UMAD1: variants seen among roughly 807,000 people sequenced by gnomAD.
UMAD1 encodes the protein UBAP1-MVB12-associated (UMA)-domain containing protein 1.
Under a neutral mutation model 6.1 loss-of-function variants are expected in UMAD1, and 8 were observed. The observed-to-expected ratio is 1.30, with a 90% CI of 0.76 to 2.35. The LOEUF (loss-of-function observed/expected upper bound fraction) is 2.35. Ranked by LOEUF, UMAD1 falls within the 30% of genes most tolerant of loss-of-function variation. The pLI is 0.00. For missense variants in UMAD1, 130 were observed against 78.4 expected (o/e 1.66, Z -2.49); for synonymous variants, 56 against 31.4 (o/e 1.78, Z -2.61).
At chr7:7,842,710 A>G (rs1783706261) in intron 3 of UMAD1, among the ~76,000 whole-genome samples, 2 of 152,068 alleles carry the variant, frequency 1.3e-5, no homozygotes, top group Admixed American at 1.3e-4. Flanking sequence ...CCCTTACTCA[A>G]TATGTATTCT....
At chr7:7,710,837 A>G (rs1377789726) in intron 2 of UMAD1, among the ~76,000 whole-genome samples, 1 of 152,202 alleles carries the variant, frequency 6.6e-6, no homozygotes, top group Non-Finnish European at 1.5e-5. Flanking sequence ...TATCTATATC[A>G]TGGAATAATA....
intron 1 of UMAD1, among the ~76,000 whole-genome samples, chr7:7,667,067 G>A (rs28992771): frequency 0.059 from 8,914 of 152,182 alleles, 338 homozygotes; most frequent in Middle Eastern, 0.13. Context: ...CCTTGGCCCC[G>A]CAAAGTGCTG....
rs190109494 is a variant in UMAD1, at chr7:7,665,782, A to T, written c.-63-7527A>T. On this transcript the variant is annotated intron_variant, in intron 1 of 3. Transcript: ENST00000682710. Reference sequence around the variant, plus strand: ...TTGAGAAGCTTATATAAATGGAATCATATAGTATGAACTTTTATATTGTCT... The same window carrying T: ...TTGAGAAGCTTATATAAATGGAATCTTATAGTATGAACTTTTATATTGTCT... 3.1e-3 allele frequency among the ~76,000 whole-genome samples: 461 copies of T among 150,544 alleles called. 3 individuals carry two copies. The highest frequency in any genetic ancestry group is 0.025 in the South Asian group (119 of 4,760).
chr7:7,773,942 G>A (rs1352689240), intron 2 of UMAD1, among the ~76,000 whole-genome samples: 2 of 152,154 alleles, frequency 1.3e-5, no homozygotes, highest in African/African-American at 4.8e-5. Context: ...AACCCTGGCT[G>A]CTGTTTCTCT....
At position 7,804,835 on chromosome 7, in the gene UMAD1, G is replaced by C. The variant is rs1269610888; in HGVS notation, c.156+3092G>C. 2.6e-5 allele frequency among the ~76,000 whole-genome samples: 4 copies of C among 151,838 alleles called. No individual in the cohort carries two copies. The East Asian group carries it at 7.7e-4, about 29-fold the overall frequency. On this transcript the variant is annotated intron_variant, in intron 3 of 3. Transcript: ENST00000682710. The stretch of plus-strand genomic sequence containing the variant: ...TCTCTACTAAAAATACAAAAAATTA[G>C]CTGGGCACGGTGGCCTGCGCCTGTA...
At chr7:7,719,998 G>A (rs1044004593) in intron 2 of UMAD1, among the ~76,000 whole-genome samples, 1 of 152,130 alleles carries the variant, frequency 6.6e-6, no homozygotes, top group African/African-American at 2.4e-5. Flanking sequence ...TTTTTGAAGG[G>A]AATAAAGTTT....
At chr7:7,691,598 A>AT (rs1030243794) in intron 2 of UMAD1, among the ~76,000 whole-genome samples, 3 of 152,294 alleles carry the variant, frequency 2.0e-5, no homozygotes, top group African/African-American at 7.2e-5. Context: ...ATTTCAGATC[A>AT]TTTTGCTGGG....
At chr7:7,703,594 T>G (rs961763534) in intron 2 of UMAD1, among the ~76,000 whole-genome samples, 1 of 152,138 alleles carries the variant, frequency 6.6e-6, no homozygotes, top group African/African-American at 2.4e-5. Context: ...ACAACACAGG[T>G]GCTAACAACA....
At chr7:7,797,996 CT>C (rs1353300859) in intron 2 of UMAD1, among the ~76,000 whole-genome samples, 3 of 152,158 alleles carry the variant, frequency 2.0e-5, no homozygotes, top group African/African-American at 7.2e-5. Flanking sequence ...CATCATTCAA[CT>C]TTTTATCCCG....
intron 3 of UMAD1, among the ~76,000 whole-genome samples, chr7:7,815,404 G>C (rs534509371): frequency 3.5e-4 from 53 of 152,222 alleles, no homozygotes; most frequent in African/African-American, 1.1e-3. Context: ...TGCCAGAGTA[G>C]AGTAGAATTG....
At chr7:7,702,533 G>C (rs78251653) in intron 2 of UMAD1, among the ~76,000 whole-genome samples, 5,927 of 152,136 alleles carry the variant, frequency 0.039, 410 homozygotes, top group African/African-American at 0.14. Context: ...ACTTGAAATA[G>C]CTATTTTCAT....
At chr7:7,797,397 C>T (rs1782707417) in intron 2 of UMAD1, among the ~76,000 whole-genome samples, 2 of 152,196 alleles carry the variant, frequency 1.3e-5, no homozygotes. Flanking sequence ...TTACCACATG[C>T]ATGAACAATG....
intron 2 of UMAD1, among the ~76,000 whole-genome samples, chr7:7,760,860 C>G (rs1237843136): frequency 6.6e-6 from 1 of 152,108 alleles, no homozygotes; most frequent in Admixed American, 6.5e-5. Context: ...AAAAGTTTTA[C>G]TAGCAAAACA....
chr7:7,764,099 A>G (rs1370584887), intron 2 of UMAD1, among the ~76,000 whole-genome samples: 1 of 152,226 alleles, frequency 6.6e-6, no homozygotes, highest in Non-Finnish European at 1.5e-5. Context: ...AATGCTTAGT[A>G]GTAGTGAAAG....
intron 1 of UMAD1, among the ~76,000 whole-genome samples, chr7:7,646,407 C>G (rs953160444): frequency 6.6e-6 from 1 of 151,470 alleles, no homozygotes. Context: ...CAGTTTCCCC[C>G]ATACTGTTCT....
At chr7:7,660,726 C>G (rs915285490) in intron 1 of UMAD1, among the ~76,000 whole-genome samples, 3 of 152,164 alleles carry the variant, frequency 2.0e-5, no homozygotes, top group African/African-American at 7.2e-5. Flanking sequence ...CTCTGGCTGC[C>G]CTTAACATTT....
Position 7,712,051 on chromosome 7 carries a change from A to G in UMAD1, c.82+38598A>G, listed in dbSNP as rs114799368. ...ATCTTCCAAGCTTACTCTTACATATATAGTATCTTTGGTTCTCCTACTTTA... is the reference window on the plus strand; with the variant it reads ...ATCTTCCAAGCTTACTCTTACATATGTAGTATCTTTGGTTCTCCTACTTTA... On this transcript the variant is annotated intron_variant, in intron 2 of 3. Transcript: ENST00000682710. Among the ~76,000 whole-genome samples, 290 of 152,182 alleles carry G rather than the reference A, an allele frequency of 1.9e-3. 3 individuals are homozygous for G. The highest frequency in any genetic ancestry group is 6.8e-3 in the African/African-American group (281 of 41,542).
At chr7:7,814,753 T>C (rs940901229) in intron 3 of UMAD1, among the ~76,000 whole-genome samples, 1 of 152,170 alleles carries the variant, frequency 6.6e-6, no homozygotes, top group African/African-American at 2.4e-5. Context: ...GGGGTTTGAC[T>C]GCGAGAACGT....
At chr7:7,812,577 T>C (rs1783040821) in intron 3 of UMAD1, among the ~76,000 whole-genome samples, 1 of 152,066 alleles carries the variant, frequency 6.6e-6, no homozygotes, top group African/African-American at 2.4e-5. Flanking sequence ...GAAGGAGGAA[T>C]CAAAATGTGG....
Sources: gnomAD v4.1 joint callset for allele counts (sites outside exome capture counted in the v4.1 genomes callset) on GRCh38, gnomAD v4.1.1 for gene constraint, MANE v1.5 for transcripts, NCBI Gene and HGNC (gene_info 2026-07-23, HGNC 2026-07-21) for gene names.